PCDHA10: variants seen among roughly 807,000 people sequenced by gnomAD.
PCDHA10 encodes the protein protocadherin alpha-10.
PCDHA10 carries 45 observed loss-of-function variants against 61.2 expected under a neutral mutation model. The ratio of observed to expected loss-of-function variants is 0.74; its 90% CI spans 0.58 to 0.94. PCDHA10 has a LOEUF of 0.94. Among genes scored for constraint, PCDHA10 ranks in the 40% least tolerant of loss-of-function variants. PCDHA10 has a pLI of 0.00. For synonymous variants in PCDHA10, 602 were observed against 548.8 expected (o/e 1.10, Z -1.35); for missense variants, 1,278 against 1,236.2 (o/e 1.03, Z -0.51).
At position 140,928,086 on chromosome 5, in the gene PCDHA10, G is replaced by A. The variant is rs17844363; in HGVS notation, c.2389-50863G>A. The A allele has an allele frequency of 1.9e-4, 304 of 1,614,206 alleles. No homozygotes were observed. The East Asian group carries it at 3.7e-3, about 20-fold the overall frequency. On this transcript the variant is annotated intron_variant, in intron 1 of 3. Transcript: ENST00000307360. ...CCTTTGACAACTACTACAGCCTGCT[G>A]ATTGATGGGCCCCTGGACCGGGAGC...
At chr5:141,000,052 C>G (rs945182675) in intron 3 of PCDHA10, among the ~76,000 whole-genome samples, 2 of 152,100 alleles carry the variant, frequency 1.3e-5, no homozygotes, top group Admixed American at 1.3e-4. Flanking sequence ...CACCACTCTC[C>G]CAGCTGCTCT....
At chr5:140,879,026 A>G (rs1381722750) in intron 1 of PCDHA10, among the ~76,000 whole-genome samples, 2 of 152,234 alleles carry the variant, frequency 1.3e-5, no homozygotes, top group Non-Finnish European at 2.9e-5. Context: ...GTTTTATTGA[A>G]GAGTGTCTTG....
chr5:140,921,101 C>T (rs1331761775), intron 1 of PCDHA10, among the ~76,000 whole-genome samples: 3 of 152,002 alleles, frequency 2.0e-5, no homozygotes, highest in African/African-American at 4.8e-5. Context: ...CTGCCTCAGT[C>T]TCCTAAGTAG....
intron 1 of PCDHA10, chr5:140,884,132 T>C: frequency 6.2e-7 from 1 of 1,613,400 alleles, no homozygotes; most frequent in South Asian, 1.1e-5. Context: ...GCGCATCCCG[T>C]TCCGCGTGGG....
chr5:140,902,676 C>T (rs781793838), intron 1 of PCDHA10, among the ~76,000 whole-genome samples: 7 of 152,040 alleles, frequency 4.6e-5, no homozygotes, highest in Non-Finnish European at 7.4e-5. Context: ...CAGTGTACAC[C>T]GTACCTAATA....
chr5:140,941,214 C>CTTTCT (rs1554214039), intron 1 of PCDHA10, among the ~76,000 whole-genome samples: 174 of 122,492 alleles, frequency 1.4e-3, no homozygotes, highest in African/African-American at 5.3e-3. Flanking sequence ...TTTCTTTCTT[C>CTTTCT]CTTTCTTTCT....
At chr5:140,984,581 C>G (rs141574202) in intron 3 of PCDHA10, among the ~76,000 whole-genome samples, 5 of 152,158 alleles carry the variant, frequency 3.3e-5, no homozygotes, top group African/African-American at 1.2e-4. Context: ...GCAACCTAAT[C>G]ATACTTTTCA....
intron 1 of PCDHA10, chr5:140,968,792 A>G (rs200477554): frequency 2.5e-6 from 4 of 1,614,186 alleles, no homozygotes; most frequent in Admixed American, 3.3e-5. Flanking sequence ...CTCTGTGGCC[A>G]TTACAGTAGC....
intron 1 of PCDHA10, among the ~76,000 whole-genome samples, chr5:140,917,287 G>C (rs190210744): frequency 6.8e-6 from 1 of 147,568 alleles, no homozygotes; most frequent in Non-Finnish European, 1.5e-5. Context: ...ACGCTTTTCC[G>C]TGTGCAGATA....
At chr5:140,987,544 A>G (rs1316604535) in intron 3 of PCDHA10, among the ~76,000 whole-genome samples, 1 of 152,180 alleles carries the variant, frequency 6.6e-6, no homozygotes, top group Non-Finnish European at 1.5e-5. Context: ...CCATTACTTA[A>G]CTTTCCTGAT....
In PCDHA10 at chr5:140,877,646, C is replaced by T. The variant is rs782472866; in HGVS notation, c.2388+19210C>T. 7 of 1,613,560 alleles carry T rather than the reference C, an allele frequency of 4.3e-6. No individual in the cohort carries two copies. The Admixed American group carries it at 6.7e-5, about 15-fold the overall frequency. On this transcript the variant is annotated intron_variant, in intron 1 of 3. Coordinates refer to ENST00000307360, the MANE Select transcript of PCDHA10 (RefSeq NM_018901.4). ...CTGTACACTGCGCTGCGTTGCTCAG[C>T]GCCGCCCACCGTGAGCCGGTGCGCG...
chr5:140,989,874 A>C (rs1328387054), intron 3 of PCDHA10, among the ~76,000 whole-genome samples: 1 of 152,098 alleles, frequency 6.6e-6, no homozygotes, highest in Admixed American at 6.6e-5. Context: ...TCTCTGCCTC[A>C]GCACTTGGAG....
At chr5:140,865,092 AG>A (rs2153225895) in intron 1 of PCDHA10, 1 of 152,364 alleles carries the variant, frequency 6.6e-6, no homozygotes, top group East Asian at 1.9e-4. Context: ...ATATTAATAA[AG>A]GCACTTCCAC....
chr5:140,871,925 T>C (rs1554165953), intron 1 of PCDHA10, among the ~76,000 whole-genome samples: 1 of 152,244 alleles, frequency 6.6e-6, no homozygotes, highest in African/African-American at 2.4e-5. Flanking sequence ...TTCCACATTG[T>C]TAGATCAACT....
chr5:140,870,344 G>A (rs782661960), intron 1 of PCDHA10: 1 of 1,614,196 alleles, frequency 6.2e-7, no homozygotes, highest in Admixed American at 1.7e-5. Flanking sequence ...GCCCTGGACC[G>A]CGAGAACGTG....
At chr5:140,869,616 G>C (rs1554163306) in intron 1 of PCDHA10, 1 of 1,613,734 alleles carries the variant, frequency 6.2e-7, no homozygotes, top group Non-Finnish European at 8.5e-7. Context: ...TGACCTACAG[G>C]CTAAGTAAAA....
intron 1 of PCDHA10, chr5:140,870,674 A>G (rs893862947): frequency 7.4e-6 from 12 of 1,612,566 alleles, no homozygotes; most frequent in Admixed American, 6.7e-5. Flanking sequence ...CCGTTGGACC[A>G]CGAGGAGCTG....
chr5:140,876,883 G>T (rs192756440), intron 1 of PCDHA10: 45 of 1,614,016 alleles, frequency 2.8e-5, no homozygotes, highest in Non-Finnish European at 3.6e-5. Context: ...CAACCCGCCG[G>T]GCTGCCACAT....
intron 1 of PCDHA10, chr5:140,864,334 G>T (rs1303822617): frequency 6.6e-6 from 1 of 152,076 alleles, no homozygotes; most frequent in Non-Finnish European, 1.5e-5. Flanking sequence ...AATTATTTGA[G>T]TTTAAAACAT....
Sources: gnomAD v4.1 joint callset for allele counts (sites outside exome capture counted in the v4.1 genomes callset) on GRCh38, gnomAD v4.1.1 for gene constraint, MANE v1.5 for transcripts, NCBI Gene and HGNC (gene_info 2026-07-23, HGNC 2026-07-21) for gene names.